GPATCH2: variants seen among roughly 807,000 people sequenced by gnomAD.
GPATCH2 encodes the protein G-patch domain containing 2, also known as G patch domain-containing protein 2.
In GPATCH2, 51 loss-of-function variants were observed where a neutral mutation model predicts 58.0. The observed-to-expected ratio is 0.88, with a 90% CI of 0.70 to 1.11. The LOEUF is 1.11. Ranked by LOEUF, GPATCH2 falls within the 50% of genes most tolerant of loss-of-function variation. GPATCH2 has a pLI of 0.00. For missense variants in GPATCH2, 625 were observed against 652.2 expected, an observed-to-expected ratio of 0.96 and a Z score of 0.45; for synonymous variants, 222 against 218.5, an observed-to-expected ratio of 1.02 and a Z score of -0.14.
intron 1 of GPATCH2, among the ~76,000 whole-genome samples, chr1:217,626,964 T>G (rs1408510830): frequency 1.3e-5 from 2 of 150,260 alleles, no homozygotes; most frequent in African/African-American, 2.5e-5. Flanking sequence ...AGGCAATAAA[T>G]AGGAAACACC....
chr1:217,603,173 T>A (rs1668189232), intron 5 of GPATCH2, among the ~76,000 whole-genome samples: 1 of 152,164 alleles, frequency 6.6e-6, no homozygotes, highest in Admixed American at 6.5e-5. Context: ...TCCATATTTC[T>A]GAAGCATCAC....
intron 5 of GPATCH2, among the ~76,000 whole-genome samples, chr1:217,599,716 T>C (rs1558515033): frequency 1.3e-5 from 2 of 152,194 alleles, no homozygotes; most frequent in Non-Finnish European, 2.9e-5. Context: ...AAAAACTTTA[T>C]AGTTGAAAAC....
intron 5 of GPATCH2, among the ~76,000 whole-genome samples, chr1:217,538,310 C>T (rs1334193938): frequency 6.6e-6 from 1 of 152,160 alleles, no homozygotes; most frequent in East Asian, 1.9e-4. Flanking sequence ...TTACATCAAT[C>T]TTGTTTAAGA....
Position 217,491,763 on chromosome 1 carries a change from T to C in GPATCH2, c.1207-13A>G. Reference sequence around the variant, plus strand: ...TCAGAAGCTGATGCTACACAAAGTGTTAAGACAAAGTCATAGAAACAAAAA... The same window carrying C: ...TCAGAAGCTGATGCTACACAAAGTGCTAAGACAAAGTCATAGAAACAAAAA... On this transcript the variant is annotated splice_polypyrimidine_tract_variant and intron_variant, in intron 7 of 9. Transcript: ENST00000366935. 8.6e-7 allele frequency: 1 copy of C among 1,161,166 alleles called. No individual in the cohort carries two copies. Among genetic ancestry groups the C allele is most frequent in the Admixed American group, 2.1e-5 (1 of 48,342 alleles). 71.9% of individuals were successfully genotyped at this position (1,161,166 alleles called of 1,614,324 possible). A position where few individuals can be genotyped will look rare whatever the true frequency, so the allele number is the denominator to read the frequency against.
intron 5 of GPATCH2, among the ~76,000 whole-genome samples, chr1:217,604,050 TAA>T (rs1668239494): frequency 6.6e-6 from 1 of 152,006 alleles, no homozygotes; most frequent in African/African-American, 2.4e-5. Flanking sequence ...ATAAGTTATT[TAA>T]AAAAGTGTCA....
chr1:217,489,702 CA>C (rs1661626731), intron 8 of GPATCH2, among the ~76,000 whole-genome samples: 1 of 151,934 alleles, frequency 6.6e-6, no homozygotes, highest in African/African-American at 2.4e-5. Context: ...GTCTCTACTA[CA>C]AATACAAAAT....
At chr1:217,584,344 A>AAAAAAAAAAAAAAAAATATATATATAT (rs1463910405) in intron 5 of GPATCH2, among the ~76,000 whole-genome samples, 6 of 101,848 alleles carry the variant, frequency 5.9e-5, no homozygotes, top group East Asian at 1.2e-3. Context: ...AAAAAAAAAA[A>AAAAAAAAAAAAAAAAATATATATATAT]ATATATATAT....
Position 217,428,144 on chromosome 1 carries a change from A to T in GPATCH2, c.*3001T>A, listed in dbSNP as rs1293505262. 6.6e-6 allele frequency: 1 copy of T among 152,152 alleles called. No homozygotes were observed. Among genetic ancestry groups the T allele is most frequent in the African/African-American group, 2.4e-5 (1 of 41,446 alleles). The allele number at this position is 152,152 out of a possible 1,614,324, so 9.4% of individuals were successfully genotyped here. On this transcript the variant is annotated 3_prime_UTR_variant, in exon 10 of 10. Transcript: ENST00000366935. ...GTCTGGTCATTATCAAGTATAACAA[A>T]TTTTTTAAACAGTCAAGTTGCTAAT... is the stretch of plus-strand genomic sequence containing the variant.
intron 5 of GPATCH2, among the ~76,000 whole-genome samples, chr1:217,604,765 C>T (rs1668276717): frequency 6.6e-6 from 1 of 151,992 alleles, no homozygotes; most frequent in South Asian, 2.1e-4. Flanking sequence ...ATGGATCATG[C>T]CTGTAATCCC....
Position 217,428,636 on chromosome 1 carries a change from G to A in GPATCH2, c.*2509C>T, listed in dbSNP as rs999885906. ...AGTGCTGATTCACATATACTGTAGA[G>A]TACATATATTCTGTACAATTAAACA... On this transcript the variant is annotated 3_prime_UTR_variant, in exon 10 of 10. Transcript: ENST00000366935. 1.3e-5 allele frequency: 2 copies of A among 152,140 alleles called. No individual in the cohort carries two copies. Among genetic ancestry groups the A allele is most frequent in the Non-Finnish European group, 2.9e-5 (2 of 68,028 alleles). 9.4% of individuals were successfully genotyped at this position (152,140 alleles called of 1,614,324 possible). A position where few individuals can be genotyped will look rare whatever the true frequency, so the allele number is the denominator to read the frequency against.
chr1:217,458,010 G>T (rs930089756), intron 8 of GPATCH2, among the ~76,000 whole-genome samples: 3 of 152,102 alleles, frequency 2.0e-5, no homozygotes, highest in African/African-American at 7.2e-5. Flanking sequence ...GGCGGACCAC[G>T]AAGTCAGGAG....
chr1:217,630,801 T>C lies in GPATCH2; in HGVS notation c.56+115A>G, dbSNP rs1261667795. The C allele has an allele frequency of 1.5e-5, 11 of 726,632 alleles. No individual in the cohort carries two copies. In the African/African-American group the frequency reaches 1.9e-4, roughly 13 times the overall value. 45.0% of individuals were successfully genotyped at this position (726,632 alleles called of 1,614,324 possible). ...GGAATGAGTGAGAGCAAGGCCTAGA[T>C]GTCTTCAGATCATCCATCACAGCTC... is the stretch of plus-strand genomic sequence containing the variant. On this transcript the variant is annotated intron_variant, in intron 1 of 9. Coordinates refer to ENST00000366935, the MANE Select transcript of GPATCH2 (RefSeq NM_018040.5).
intron 5 of GPATCH2, among the ~76,000 whole-genome samples, chr1:217,578,368 G>C (rs140267681): frequency 6.6e-6 from 1 of 152,078 alleles, no homozygotes; most frequent in African/African-American, 2.4e-5. Context: ...TCCCACCTCA[G>C]CCTCCCTAAG....
At chr1:217,618,792 T>C (rs1208649505) in intron 2 of GPATCH2, among the ~76,000 whole-genome samples, 1 of 151,990 alleles carries the variant, frequency 6.6e-6, no homozygotes, top group African/African-American at 2.4e-5. Context: ...AAACCCCGTC[T>C]CTACTAAAAA....
intron 5 of GPATCH2, among the ~76,000 whole-genome samples, chr1:217,572,709 CTT>C (rs1299861812): frequency 6.6e-6 from 1 of 152,164 alleles, no homozygotes; most frequent in Non-Finnish European, 1.5e-5. Flanking sequence ...TACCAAATCT[CTT>C]TTAAAATGAC....
At chr1:217,441,644 C>T (rs1262874482) in intron 9 of GPATCH2, among the ~76,000 whole-genome samples, 1 of 152,034 alleles carries the variant, frequency 6.6e-6, no homozygotes, top group Non-Finnish European at 1.5e-5. Context: ...AACAAATTTA[C>T]AAGAAAAAGT....
chr1:217,624,732 C>A (rs1669369681), intron 1 of GPATCH2, among the ~76,000 whole-genome samples: 1 of 152,150 alleles, frequency 6.6e-6, no homozygotes, highest in Non-Finnish European at 1.5e-5. Flanking sequence ...TACTGAACAA[C>A]CAGTTTTAAA....
chr1:217,501,661 G>T (rs2102554083), intron 6 of GPATCH2, among the ~76,000 whole-genome samples: 1 of 152,120 alleles, frequency 6.6e-6, no homozygotes, highest in South Asian at 2.1e-4. Context: ...ATATCTCATT[G>T]TGGTCCTAAT....
At chr1:217,594,902 A>G (rs891635780) in intron 5 of GPATCH2, among the ~76,000 whole-genome samples, 2 of 152,180 alleles carry the variant, frequency 1.3e-5, no homozygotes, top group African/African-American at 4.8e-5. Context: ...TGGGAGAAAT[A>G]GGATGAAAGA....
Sources: gnomAD v4.1 joint callset for allele counts (sites outside exome capture counted in the v4.1 genomes callset) on GRCh38, gnomAD v4.1.1 for gene constraint, MANE v1.5 for transcripts, NCBI Gene and HGNC (gene_info 2026-07-23, HGNC 2026-07-21) for gene names.